The following NRG1 variants were observed in gnomAD, a reference collection of about 807,000 sequenced individuals.
NRG1 encodes pro-neuregulin-1, membrane-bound isoform.
NRG1 carries 18 observed loss-of-function variants against 63.8 expected under a neutral mutation model. That is an observed-to-expected ratio of 0.28 (90% confidence interval 0.19 to 0.42). NRG1 has a LOEUF of 0.42. Ranked by LOEUF, NRG1 falls within the 10% of genes least tolerant of loss-of-function variation. The pLI, the probability that NRG1 is intolerant of heterozygous loss-of-function variation, is 1.00. For synonymous variants in NRG1, 302 were observed against 301.3 expected, an observed-to-expected ratio of 1.00 and a Z score of -0.02; for missense variants, 762 against 814.7, an observed-to-expected ratio of 0.94 and a Z score of 0.79.
intron 1 of NRG1, among the ~76,000 whole-genome samples, chr8:32,072,259 T>G (rs7003757): frequency 6.7e-6 from 1 of 148,584 alleles, no homozygotes; most frequent in Non-Finnish European, 1.5e-5. Flanking sequence ...CTAAAAAAAA[T>G]AAGAAACCCA....
At chr8:32,228,427 C>T (rs1468462181) in intron 1 of NRG1, among the ~76,000 whole-genome samples, 1 of 152,066 alleles carries the variant, frequency 6.6e-6, no homozygotes, top group South Asian at 2.1e-4. Flanking sequence ...GTTTCTACTA[C>T]TTTTCAGTTC....
At chr8:32,723,593 G>A (rs1259630807) in intron 5 of NRG1, among the ~76,000 whole-genome samples, 1 of 148,632 alleles carries the variant, frequency 6.7e-6, no homozygotes, top group Non-Finnish European at 1.5e-5. Flanking sequence ...AGGAGGCTGA[G>A]GCAGGAGAAT....
chr8:32,586,714 C>T (rs897832315), intron 1 of NRG1, among the ~76,000 whole-genome samples: 4 of 152,306 alleles, frequency 2.6e-5, no homozygotes, highest in Non-Finnish European at 5.9e-5. Context: ...CTATCAGTTT[C>T]CATCTCCTCA....
intron 1 of NRG1, among the ~76,000 whole-genome samples, chr8:32,091,765 G>C (rs1423837081): frequency 2.0e-5 from 3 of 152,188 alleles, no homozygotes; most frequent in Non-Finnish European, 4.4e-5. Context: ...AAAGCAAATT[G>C]CCTAACATTT....
chr8:31,816,009 T>C (rs1823404551), intron 1 of NRG1, among the ~76,000 whole-genome samples: 1 of 152,206 alleles, frequency 6.6e-6, no homozygotes, highest in African/African-American at 2.4e-5. Flanking sequence ...CATTGAATTA[T>C]CAGTATTTTT....
At chr8:31,649,917 C>G (rs1249423504) in intron 1 of NRG1, among the ~76,000 whole-genome samples, 3 of 152,180 alleles carry the variant, frequency 2.0e-5, no homozygotes, top group African/African-American at 7.2e-5. Flanking sequence ...GTATTCCTGT[C>G]CATTGCCCCA....
At chr8:31,841,680 G>A (rs1002736884) in intron 1 of NRG1, among the ~76,000 whole-genome samples, 12 of 152,092 alleles carry the variant, frequency 7.9e-5, no homozygotes, top group Non-Finnish European at 1.5e-5. Context: ...ATAAGAAGGT[G>A]CTAGCTATTT....
At chr8:31,998,476 TA>T (rs2129633741) in intron 1 of NRG1, among the ~76,000 whole-genome samples, 1 of 152,168 alleles carries the variant, frequency 6.6e-6, no homozygotes, top group South Asian at 2.1e-4. Context: ...GAAGGTTTAA[TA>T]AAAGTAGTAA....
chr8:31,787,764 T>G (rs2131642108), intron 1 of NRG1, among the ~76,000 whole-genome samples: 1 of 152,318 alleles, frequency 6.6e-6, no homozygotes, highest in Non-Finnish European at 1.5e-5. Flanking sequence ...GGCAGTCACT[T>G]GTTTTAAGTA....
intron 1 of NRG1, among the ~76,000 whole-genome samples, chr8:32,299,820 C>A (rs906400346): frequency 6.6e-6 from 1 of 152,140 alleles, no homozygotes; most frequent in Non-Finnish European, 1.5e-5. Context: ...GAAAAACCCA[C>A]TGCCATGATT....
chr8:32,489,467 T>C (rs1826288940), intron 1 of NRG1, among the ~76,000 whole-genome samples: 1 of 152,108 alleles, frequency 6.6e-6, no homozygotes, highest in Admixed American at 6.5e-5. Context: ...CAACCACCTG[T>C]TCATCACTTG....
At chr8:32,295,648 A>G (rs7818821) in intron 1 of NRG1, among the ~76,000 whole-genome samples, 50,165 of 151,950 alleles carry the variant, frequency 0.33, 8,587 homozygotes, top group African/African-American at 0.4. Context: ...AAGTGATTGG[A>G]AAGAATTTTA....
intron 1 of NRG1, among the ~76,000 whole-genome samples, chr8:31,715,601 G>T (rs960818447): frequency 9.2e-5 from 14 of 152,006 alleles, no homozygotes; most frequent in Admixed American, 6.6e-4. Flanking sequence ...TCTGTATTAT[G>T]AATTTAATTA....
chr8:32,440,503 G>C (rs184590527), intron 1 of NRG1, among the ~76,000 whole-genome samples: 2 of 152,160 alleles, frequency 1.3e-5, no homozygotes, highest in East Asian at 3.9e-4. Flanking sequence ...GATTATTTCT[G>C]TGTCTTTAAT....
intron 1 of NRG1, among the ~76,000 whole-genome samples, chr8:32,515,984 G>A (rs1411629202): frequency 6.6e-6 from 1 of 152,056 alleles, no homozygotes; most frequent in Non-Finnish European, 1.5e-5. Context: ...TAAATTATTT[G>A]CCAAGGCCAA....
intron 1 of NRG1, among the ~76,000 whole-genome samples, chr8:31,914,410 G>T (rs1292150448): frequency 1.9e-4 from 28 of 144,118 alleles, no homozygotes; most frequent in Non-Finnish European, 2.9e-4. Context: ...CCAGTTTTTG[G>T]TTTTTTTTTT....
At chr8:32,446,527 T>C (rs1156864984) in intron 1 of NRG1, among the ~76,000 whole-genome samples, 1 of 152,082 alleles carries the variant, frequency 6.6e-6, no homozygotes, top group Non-Finnish European at 1.5e-5. Flanking sequence ...TGGTGGTACA[T>C]GCCTGTAATC....
chr8:32,682,816 A>G (rs1809041158), intron 5 of NRG1, among the ~76,000 whole-genome samples: 1 of 152,352 alleles, frequency 6.6e-6, no homozygotes, highest in African/African-American at 2.4e-5. Context: ...AACTTAGTTT[A>G]GAGTAAGAAA....
intron 1 of NRG1, among the ~76,000 whole-genome samples, chr8:31,788,393 C>T (rs1820381279): frequency 6.6e-6 from 1 of 152,050 alleles, no homozygotes; most frequent in Non-Finnish European, 1.5e-5. Context: ...TAAATGGCTA[C>T]ATTAAGATAT....
Sources: allele counts gnomAD v4.1 joint callset (sites outside exome capture counted in the v4.1 genomes callset), GRCh38; gene constraint gnomAD v4.1.1; transcripts MANE v1.5; gene names NCBI Gene and HGNC (gene_info 2026-07-23, HGNC 2026-07-21).